Variants in ZBTB49 observed in about 807,000 individuals in gnomAD.
ZBTB49 encodes zinc finger and BTB domain containing 49.
In ZBTB49, 43 loss-of-function variants were observed where a neutral mutation model predicts 57.5. The observed-to-expected ratio is 0.75, with a 90% CI of 0.59 to 0.97. The LOEUF is 0.97. ZBTB49 is among the 50% of genes least tolerant of loss of function. The probability of loss-of-function intolerance (pLI) is 0.00; values close to 1 mark genes in which losing one functional copy is unlikely to be tolerated. For missense variants in ZBTB49, 938 were observed against 947.7 expected (o/e 0.99, Z 0.13); for synonymous variants, 369 against 362.1 (o/e 1.02, Z -0.22).
At chr4:4,296,821 G>A (rs1299273630) in intron 1 of ZBTB49, among the ~76,000 whole-genome samples, 2 of 152,158 alleles carry the variant, frequency 1.3e-5, no homozygotes, top group East Asian at 1.9e-4. Context: ...CAATGTCAGT[G>A]TGTTTGTGTG....
intron 7 of ZBTB49, among the ~76,000 whole-genome samples, chr4:4,319,429 C>T (rs1438387133): frequency 6.6e-6 from 1 of 152,238 alleles, no homozygotes; most frequent in Non-Finnish European, 1.5e-5. Context: ...TCCTTCTCAT[C>T]TTACCTATTC....
Position 4,321,331 on chromosome 4 carries a change from C to T in ZBTB49, c.*15C>T, listed in dbSNP as rs769280258. The T allele has an allele frequency of 5.0e-6, 8 of 1,604,022 alleles. No individual in the cohort carries two copies. The highest frequency in any genetic ancestry group is 5.1e-6 in the Non-Finnish European group (6 of 1,179,104). On this transcript the variant is annotated 3_prime_UTR_variant, in exon 8 of 8. Coordinates refer to ENST00000337872, the MANE Select transcript of ZBTB49 (RefSeq NM_145291.4). ...TAGACCAGTGATGTACCGCGCTTCT[C>T]CACGGTAGAGGCGTGTTCTCAGTTT...
At chr4:4,303,647 A>G (rs977579806) in intron 3 of ZBTB49, among the ~76,000 whole-genome samples, 6 of 151,956 alleles carry the variant, frequency 3.9e-5, no homozygotes, top group Non-Finnish European at 8.8e-5. Context: ...AAATTCTTCC[A>G]ATTTAAACAT....
intron 3 of ZBTB49, among the ~76,000 whole-genome samples, chr4:4,305,324 C>A (rs1720689779): frequency 6.6e-6 from 1 of 152,052 alleles, no homozygotes; most frequent in Admixed American, 6.5e-5. Flanking sequence ...ATTATTGTTA[C>A]TTTTTAAAGA....
At chr4:4,318,053 A>C (rs1208362225) in intron 7 of ZBTB49, among the ~76,000 whole-genome samples, 1 of 151,992 alleles carries the variant, frequency 6.6e-6, no homozygotes, top group Admixed American at 6.6e-5. Flanking sequence ...GGCCCACAGC[A>C]GTGTGGCGCC....
Position 4,320,900 on chromosome 4 carries a change from G to A in ZBTB49, c.1882G>A (p.Val628Met). ...SQDTSVTLMP[V>M]SVKLPVHPVE... ...AGACACGTCTGTGACGCTGATGCCA[G>A]TGTCGGTTAAACTCCCTGTCCACCC... The change falls in exon 8 of 8, where the codon GTG becomes ATG. Residue 628 changes from valine to methionine, a missense_variant. By Grantham distance (21) the Val-to-Met change is conservative (BLOSUM62 1). Transcript: ENST00000337872. 6 of 1,614,202 alleles carry A rather than the reference G, an allele frequency of 3.7e-6. No individual in the cohort carries two copies. Among genetic ancestry groups the A allele is most frequent in the Non-Finnish European group, 5.1e-6 (6 of 1,180,022 alleles).
intron 4 of ZBTB49, among the ~76,000 whole-genome samples, chr4:4,310,676 ATTT>A (rs33978308): frequency 2.9e-5 from 4 of 139,528 alleles, no homozygotes; most frequent in African/African-American, 2.6e-5. Context: ...TGCCTGGCTA[ATTT>A]TTTTTTTTTT....
At chr4:4,311,353 A>G (rs895789297) in intron 4 of ZBTB49, among the ~76,000 whole-genome samples, 2 of 152,228 alleles carry the variant, frequency 1.3e-5, no homozygotes, top group African/African-American at 4.8e-5. Flanking sequence ...TGCTATTCCG[A>G]TTATTATGCA....
rs35507373 is a variant in ZBTB49 at position 4,320,938 on chromosome 4, T to C, written c.1920T>C (p.Ser640=). 0.033 allele frequency: 53,914 copies of C among 1,614,166 alleles called. 5,485 individuals are homozygous for C. In the East Asian group the frequency reaches 0.34, roughly 10 times the overall value. ...VKLPVHPVEN[S]VAEFDSHSGG... is the part of the protein sequence containing the mutation. ...TCCCTGTCCACCCAGTGGAAAATTC[T>C]GTGGCAGAATTTGATAGCCACTCTG... is the stretch of plus-strand genomic sequence containing the variant. Residue 640 remains serine, a synonymous_variant, in exon 8 of 8, where the codon TCT becomes TCC. Coordinates refer to ENST00000337872, the MANE Select transcript of ZBTB49 (RefSeq NM_145291.4).
Position 4,302,779 on chromosome 4 carries a change from C to G in ZBTB49, c.943C>G (p.Leu315Val), listed in dbSNP as rs1720553883. The G allele has an allele frequency of 6.2e-7, 1 of 1,614,024 alleles. No homozygotes were observed. The highest frequency in any genetic ancestry group is 1.3e-5 in the African/African-American group (1 of 74,910). Residue 315 changes from leucine (L) to valine (V), a missense_variant, in exon 3 of 8, where the codon CTG becomes GTG. Around this residue, in one of 3 missense-constraint regions of ZBTB49, gnomAD observed 835 missense variants for 819.1 expected, o/e 1.02. Coordinates refer to ENST00000337872, the MANE Select transcript of ZBTB49 (RefSeq NM_145291.4). ...KAIHLKKLNF[L>V]KSQKYAEQVS... ...CATTCATCTGAAGAAGCTCAATTTC[C>G]TGAAGTCACAGAAATACGCAGAGCA...
chr4:4,297,102 G>A (rs970637060), intron 1 of ZBTB49, among the ~76,000 whole-genome samples: 6 of 152,042 alleles, frequency 3.9e-5, no homozygotes, highest in Admixed American at 6.6e-5. Context: ...ACAGAGTCTC[G>A]CTTTGTCGCC....
At chr4:4,316,031 AG>A in intron 7 of ZBTB49, 61 bp downstream of exon 7, 1 of 1,583,310 alleles carries the variant, frequency 6.3e-7, no homozygotes, top group Non-Finnish European at 8.6e-7. Context: ...TTTGTCCCCC[AG>A]CCCTCATTAG....
intron 1 of ZBTB49, among the ~76,000 whole-genome samples, chr4:4,295,463 A>C (rs3886793): frequency 0.069 from 10,452 of 152,258 alleles, 922 homozygotes; most frequent in East Asian, 0.32. Context: ...GGATGAGAAC[A>C]CAGAGCCAAG....
intron 1 of ZBTB49, among the ~76,000 whole-genome samples, chr4:4,295,661 C>T (rs1720163147): frequency 6.6e-6 from 1 of 152,202 alleles, no homozygotes; most frequent in African/African-American, 2.4e-5. Flanking sequence ...CGCCTACCAT[C>T]GTGCCTTTCT....
chr4:4,293,295 C>CA (rs1245005696), intron 1 of ZBTB49, among the ~76,000 whole-genome samples: 2 of 152,246 alleles, frequency 1.3e-5, no homozygotes, highest in Non-Finnish European at 2.9e-5. Context: ...CTCCTTCTCT[C>CA]ACGCTATAAC....
intron 1 of ZBTB49, among the ~76,000 whole-genome samples, chr4:4,293,295 C>T (rs549220130): frequency 6.6e-6 from 1 of 152,364 alleles, no homozygotes; most frequent in South Asian, 2.1e-4. Flanking sequence ...CTCCTTCTCT[C>T]ACGCTATAAC....
chr4:4,306,210 A>C (rs774136959), intron 4 of ZBTB49, 26 bp downstream of exon 4: 2 of 1,594,832 alleles, frequency 1.3e-6, no homozygotes, highest in African/African-American at 1.3e-5. Flanking sequence ...TTTATTGTTA[A>C]TAATTGGAAA....
chr4:4,290,734 C>T (rs900682952), intron 1 of ZBTB49, among the ~76,000 whole-genome samples: 3 of 152,380 alleles, frequency 2.0e-5, no homozygotes, highest in Admixed American at 6.5e-5. Flanking sequence ...CTTCTGTTTC[C>T]TTCCACGCTG....
intron 4 of ZBTB49, among the ~76,000 whole-genome samples, chr4:4,308,803 C>A (rs1019029372): frequency 5.3e-5 from 8 of 152,154 alleles, no homozygotes; most frequent in Non-Finnish European, 8.8e-5. Flanking sequence ...GAACTGCTGA[C>A]AGTTATCTAC....
Sources: gnomAD v4.1 joint callset for allele counts (sites outside exome capture counted in the v4.1 genomes callset) on GRCh38, gnomAD v4.1.1 for gene constraint, gnomAD v4.1.1 regional missense constraint, MANE v1.5 for transcripts, NCBI Gene and HGNC (gene_info 2026-07-23, HGNC 2026-07-21) for gene names.